Variants in CSMD1 observed in about 807,000 individuals in gnomAD.
CSMD1 encodes CUB and sushi domain-containing protein 1.
CSMD1 carries 213 observed loss-of-function variants against 417.5 expected under a neutral mutation model. The ratio of observed to expected loss-of-function variants is 0.51; its 90% CI spans 0.46 to 0.57. CSMD1 has a LOEUF of 0.57. Ranked by LOEUF, CSMD1 falls within the 20% of genes least tolerant of loss-of-function variation. The probability of loss-of-function intolerance (pLI) is 0.00; values close to 1 mark genes in which losing one functional copy is unlikely to be tolerated. For missense variants in CSMD1, 6,923 were observed against 4,529.7 expected, an observed-to-expected ratio of 1.53 and a Z score of -15.17; for synonymous variants, 2,862 against 1,736.8, an observed-to-expected ratio of 1.65 and a Z score of -16.11.
At chr8:4,133,730 G>T (rs373334414) in intron 3 of CSMD1, among the ~76,000 whole-genome samples, 5 of 151,516 alleles carry the variant, frequency 3.3e-5, no homozygotes, top group African/African-American at 9.8e-5. Context: ...ACTGTTTATG[G>T]TTATGGTTTT....
intron 1 of CSMD1, among the ~76,000 whole-genome samples, chr8:4,945,360 C>G (rs1321606850): frequency 6.6e-6 from 1 of 152,086 alleles, no homozygotes; most frequent in East Asian, 1.9e-4. Context: ...ATACATAACA[C>G]TTCTGAACTG....
intron 3 of CSMD1, among the ~76,000 whole-genome samples, chr8:4,181,727 CATAAA>C (rs1798387480): frequency 7.3e-6 from 1 of 137,242 alleles, no homozygotes; most frequent in African/African-American, 2.8e-5. Flanking sequence ...AAATTCTAAA[CATAAA>C]ACAAAATAAA....
At chr8:3,708,092 G>A (rs975737213) in intron 7 of CSMD1, among the ~76,000 whole-genome samples, 1 of 152,128 alleles carries the variant, frequency 6.6e-6, no homozygotes, top group Non-Finnish European at 1.5e-5. Flanking sequence ...GTGTGTGTGG[G>A]GTGTGCAAGG....
chr8:3,578,541 G>C (rs1016949613), intron 9 of CSMD1, among the ~76,000 whole-genome samples: 1 of 152,308 alleles, frequency 6.6e-6, no homozygotes, highest in South Asian at 2.1e-4. Context: ...TTGGGGGGCT[G>C]TATTGAATAC....
chr8:3,370,286 A>G (rs1809865987), intron 18 of CSMD1, among the ~76,000 whole-genome samples: 1 of 152,202 alleles, frequency 6.6e-6, no homozygotes, highest in African/African-American at 2.4e-5. Context: ...CTGAACTGAA[A>G]AAGAATAAAA....
intron 3 of CSMD1, among the ~76,000 whole-genome samples, chr8:4,108,203 C>A (rs1801671042): frequency 6.6e-6 from 1 of 152,064 alleles, no homozygotes; most frequent in Non-Finnish European, 1.5e-5. Context: ...GGAAACAAAT[C>A]AAGCTTATGT....
At chr8:4,017,818 G>A (rs1395740705) in intron 4 of CSMD1, among the ~76,000 whole-genome samples, 1 of 152,074 alleles carries the variant, frequency 6.6e-6, no homozygotes, top group African/African-American at 2.4e-5. Context: ...AACATTTCTG[G>A]AGATCTCAGC....
At chr8:3,935,418 G>C (rs144043267) in intron 5 of CSMD1, among the ~76,000 whole-genome samples, 87 of 152,192 alleles carry the variant, frequency 5.7e-4, no homozygotes, top group African/African-American at 2.1e-3. Context: ...GCAAATAACT[G>C]GGTTTTTGAA....
Position 3,157,311 on chromosome 8 carries a change from G to A in CSMD1, c.5914+586C>T, listed in dbSNP as rs190120997. ...GTGACCACCACCTTCAATGCCCCTG[G>A]AATCATTAAACTCCCATCACATTAC... is the stretch of plus-strand genomic sequence containing the variant. On this transcript the variant is annotated intron_variant, in intron 39 of 69. Transcript: ENST00000635120. 2.4e-4 allele frequency among the ~76,000 whole-genome samples: 36 copies of A among 152,200 alleles called. No homozygotes were observed. The South Asian group carries it at 2.7e-3, about 11-fold the overall frequency.
At position 4,081,740 on chromosome 8, in the gene CSMD1, CAA is replaced by C. The variant is rs369582910; in HGVS notation, c.416-49643_416-49642del. Among the ~76,000 whole-genome samples, 6 of 152,154 alleles carry C rather than the reference CAA, an allele frequency of 3.9e-5. No individual in the cohort carries two copies. In the South Asian group the frequency reaches 1.2e-3, roughly 32 times the overall value. On this transcript the variant is annotated intron_variant, in intron 3 of 69. Transcript: ENST00000635120. ...CTCTGACCAAATTAGGAAAAGGTAACAAGAGTATTTTTTAAAGACCCCAAATA... is the reference window on the plus strand; with the variant it reads ...CTCTGACCAAATTAGGAAAAGGTAACGAGTATTTTTTAAAGACCCCAAATA...
chr8:4,590,307 T>A (rs1282654532), intron 2 of CSMD1, among the ~76,000 whole-genome samples: 1 of 152,176 alleles, frequency 6.6e-6, no homozygotes, highest in African/African-American at 2.4e-5. Context: ...AGACATGGAC[T>A]ACTGGATTTC....
intron 2 of CSMD1, among the ~76,000 whole-genome samples, chr8:4,574,901 C>A (rs560809623): frequency 6.6e-6 from 1 of 152,196 alleles, no homozygotes; most frequent in African/African-American, 2.4e-5. Context: ...GAAAGAATAA[C>A]ATACACACAT....
intron 5 of CSMD1, among the ~76,000 whole-genome samples, chr8:3,859,733 C>T (rs1256747305): frequency 6.6e-6 from 1 of 152,108 alleles, no homozygotes; most frequent in African/African-American, 2.4e-5. Context: ...ACACAGAAAC[C>T]CGGGCAGTCT....
chr8:3,918,643 G>T (rs150150227), intron 5 of CSMD1, among the ~76,000 whole-genome samples: 1 of 152,038 alleles, frequency 6.6e-6, no homozygotes, highest in African/African-American at 2.4e-5. Context: ...CATCAAAAAC[G>T]AGTGGATAAA....
rs1554503062 is a variant in CSMD1, at chr8:3,065,303, G to GGAGA, written c.7475-12657_7475-12656insTCTC. On this transcript the variant is annotated intron_variant, in intron 49 of 69. Coordinates refer to ENST00000635120, the MANE Select transcript of CSMD1 (RefSeq NM_033225.6). The stretch of plus-strand genomic sequence containing the variant: ...GATACATAGATAGATAGATAGATAG[G>GGAGA]TAGATAGATAGATAGACAGACAGAC... Among the ~76,000 whole-genome samples, 10 of 149,384 alleles carry GGAGA rather than the reference G, an allele frequency of 6.7e-5. No homozygotes were observed. The South Asian group carries it at 2.1e-3, about 31-fold the overall frequency.
intron 12 of CSMD1, among the ~76,000 whole-genome samples, chr8:3,452,329 C>G (rs556769568): frequency 6.6e-6 from 1 of 152,044 alleles, no homozygotes; most frequent in African/African-American, 2.4e-5. Flanking sequence ...GCCTGATTGC[C>G]CTGGCCAGAA....
At chr8:4,729,416 C>T (rs528285765) in intron 1 of CSMD1, among the ~76,000 whole-genome samples, 62 of 152,240 alleles carry the variant, frequency 4.1e-4, no homozygotes, top group Middle Eastern at 3.4e-3. Context: ...AAAGTATCCA[C>T]AACTTCTTCA....
chr8:4,918,623 T>G (rs1199144144), intron 1 of CSMD1, among the ~76,000 whole-genome samples: 1 of 152,220 alleles, frequency 6.6e-6, no homozygotes, highest in Non-Finnish European at 1.5e-5. Context: ...CTGAATCACG[T>G]TACTTCAGAT....
At position 3,140,894 on chromosome 8, in the gene CSMD1, G is replaced by A. The variant is rs750170860; in HGVS notation, c.6241+1571C>T. Among the ~76,000 whole-genome samples the A allele has an allele frequency of 2.0e-5, 3 of 152,266 alleles. No individual in the cohort carries two copies. In the East Asian group the frequency reaches 5.8e-4, roughly 29 times the overall value. The stretch of plus-strand genomic sequence containing the variant: ...AACTTTTCTTAGAGATTGCATATTT[G>A]AAGGAATAAAAAGGATAAAGTTCAA... On this transcript the variant is annotated intron_variant, in intron 41 of 69. Coordinates refer to ENST00000635120, the MANE Select transcript of CSMD1 (RefSeq NM_033225.6).
Sources: allele counts gnomAD v4.1 joint callset (sites outside exome capture counted in the v4.1 genomes callset), GRCh38; gene constraint gnomAD v4.1.1; transcripts MANE v1.5; gene names NCBI Gene and HGNC (gene_info 2026-07-23, HGNC 2026-07-21).